The following ITGB4 variants were observed in gnomAD, a reference collection of about 807,000 sequenced individuals.
The protein encoded by ITGB4 is integrin beta-4.
Under a neutral mutation model 207.6 loss-of-function variants are expected in ITGB4, and 159 were observed. The observed-to-expected ratio is 0.77, with a 90% confidence interval of 0.67 to 0.87. ITGB4 has a LOEUF of 0.87. ITGB4 is among the 40% of genes least tolerant of loss of function. The pLI is 0.00. For synonymous variants in ITGB4, 1,020 were observed against 1,062.7 expected, an observed-to-expected ratio of 0.96 and a Z score of 0.78; for missense variants, 2,278 against 2,546.8, an observed-to-expected ratio of 0.89 and a Z score of 2.27.
In ITGB4 at chr17:75,727,732, C is replaced by A. The variant is rs146269824; in HGVS notation, c.346C>A (p.Arg116=). ...LRVRLRPGEE[R]HFELEVFEPL... Reference sequence around the variant, plus strand: ...GGTCCGTCTGCGGCCCGGTGAGGAGCGGCATTTTGAGCTGGAGGTGTTTGA... The same window carrying A: ...GGTCCGTCTGCGGCCCGGTGAGGAGAGGCATTTTGAGCTGGAGGTGTTTGA... Residue 116 remains arginine (R), a synonymous_variant, in exon 5 of 40, where the codon CGG becomes AGG. Coordinates refer to ENST00000200181, the MANE Select transcript of ITGB4 (RefSeq NM_000213.5). This position sits in a 1 kb window ranked among gnomAD's most constrained non-coding sequence, Gnocchi z 6.0. 8 of 1,613,696 alleles carry A rather than the reference C, an allele frequency of 5.0e-6. No homozygotes were observed. The East Asian group carries it at 6.7e-5, about 13-fold the overall frequency.
At position 75,736,592 on chromosome 17, in the gene ITGB4, C is replaced by T. The variant is rs565495963; in HGVS notation, c.1888C>T (p.Arg630Cys). The T allele has an allele frequency of 5.0e-6, 8 of 1,601,962 alleles. No homozygotes were observed. Among genetic ancestry groups the T allele is most frequent in the South Asian group, 2.2e-5 (2 of 88,964 alleles). The change falls in exon 16 of 40, where the codon CGC becomes TGC. Residue 630 changes from arginine to cysteine, a missense_variant. By Grantham distance (180) the Arg-to-Cys change is radical. Coordinates refer to ENST00000200181, the MANE Select transcript of ITGB4 (RefSeq NM_000213.5). ...CCACCCGGGCCTCTGCGAGGACCTA[C>T]GCTCCTGCGTGCAGTGCCAGGCGTG... ...AIHPGLCEDLRSCVQCQAWGT... is the reference protein window; with the variant it reads ...AIHPGLCEDLCSCVQCQAWGT...
chr17:75,725,832 CTTCACCCTAGAAG>C (rs2060706781), intron 2 of ITGB4, among the ~76,000 whole-genome samples: 1 of 152,240 alleles, frequency 6.6e-6, no homozygotes, highest in Admixed American at 6.5e-5. Flanking sequence ...ACACCATTCC[CTTCACCCTAGAAG>C]GGGCTCAGAG....
Position 75,730,805 on chromosome 17 carries a change from T to C in ITGB4, c.1003-70T>C, listed in dbSNP as rs549990392. 105 of 1,394,710 alleles carry C rather than the reference T, an allele frequency of 7.5e-5. 1 individual carries two copies. In the African/African-American group the frequency reaches 1.4e-3, roughly 19 times the overall value. 86.4% of individuals were successfully genotyped at this position (1,394,710 alleles called of 1,614,324 possible). On this transcript the variant is annotated intron_variant, in intron 8 of 39. Coordinates refer to ENST00000200181, the MANE Select transcript of ITGB4 (RefSeq NM_000213.5). ...GGCCTCAGTTTCCCCATCCTCAAAGTGGGAAGAATCCTAGAGCTGTTCAGA... is the reference window on the plus strand; with the variant it reads ...GGCCTCAGTTTCCCCATCCTCAAAGCGGGAAGAATCCTAGAGCTGTTCAGA...
chr17:75,756,976 G>A lies in ITGB4; in HGVS notation c.5087G>A (p.Ser1696Asn), dbSNP rs899007987. The A allele has an allele frequency of 6.2e-7, 1 of 1,612,644 alleles. No homozygotes were observed. Residue 1696 changes from serine to asparagine, a missense_variant, in exon 38 of 40, where the codon AGC becomes AAC. Physicochemically the swap from Ser to Asn is conservative, Grantham distance 46. Coordinates refer to ENST00000200181, the MANE Select transcript of ITGB4 (RefSeq NM_000213.5). ...ACCGCATTCCGGGTGGATGGAGACAGCCCCGAGAGCCGGCTGACCGTGCCG... is the reference window on the plus strand; with the variant it reads ...ACCGCATTCCGGGTGGATGGAGACAACCCCGAGAGCCGGCTGACCGTGCCG... Reference protein sequence around the residue: ...PATAFRVDGDSPESRLTVPGL... With the variant: ...PATAFRVDGDNPESRLTVPGL...
rs763486909 is a variant in ITGB4, at chr17:75,748,924, A to G, written c.3195A>G (p.Gln1065=). The G allele has an allele frequency of 1.2e-6, 2 of 1,613,278 alleles. No individual in the cohort carries two copies. Among genetic ancestry groups the G allele is most frequent in the Non-Finnish European group, 1.7e-6 (2 of 1,179,976 alleles). ...TGCAGGTGAAGCTCCTGGAGCTGCAAGAAGTTGACTCCCTCCTGCGGGGCC... is the reference window on the plus strand; with the variant it reads ...TGCAGGTGAAGCTCCTGGAGCTGCAGGAAGTTGACTCCCTCCTGCGGGGCC... ...KELQVKLLEL[Q]EVDSLLRGRQ... is the part of the protein sequence containing the mutation. The change falls in exon 27 of 40, where the codon CAA becomes CAG. Residue 1065 remains glutamine, a synonymous_variant. Transcript: ENST00000200181.
chr17:75,746,455 A>G (rs980978185), intron 26 of ITGB4: 7 of 151,104 alleles, frequency 4.6e-5, no homozygotes, highest in Non-Finnish European at 1.0e-4. Flanking sequence ...CTGGTCTCGA[A>G]CTCCTGACCT....
In ITGB4 at chr17:75,736,166, C is replaced by A. The variant is rs1265160065; in HGVS notation, c.1761+12C>A. On this transcript the variant is annotated intron_variant, in intron 14 of 39. Coordinates refer to ENST00000200181, the MANE Select transcript of ITGB4 (RefSeq NM_000213.5). ...TCGACAGCAATGGGGTAGGCCTGGG[C>A]ATAAGACAGACAGTGTCTGTCAGCA... 2 of 1,612,912 alleles carry A rather than the reference C, an allele frequency of 1.2e-6. No individual in the cohort carries two copies. The highest frequency in any genetic ancestry group is 1.7e-6 in the Non-Finnish European group (2 of 1,179,000).
chr17:75,731,232 C>T lies in ITGB4; in HGVS notation c.1093-14C>T. 1 of 1,613,294 alleles carries T rather than the reference C, an allele frequency of 6.2e-7. No homozygotes were observed. The highest frequency in any genetic ancestry group is 1.7e-5 in the Admixed American group (1 of 60,026). ...CCCCCCACAGAGCACTGATCAACCT[C>T]CTTCCTCCTTTAGCGGATCCGCTCC... On this transcript the variant is annotated splice_polypyrimidine_tract_variant and intron_variant, in intron 9 of 39. Transcript: ENST00000200181. The surrounding 1 kb of genome is among the most constrained non-coding windows in gnomAD (Gnocchi z 6.8).
intron 18 of ITGB4, among the ~76,000 whole-genome samples, chr17:75,738,675 C>CGGTCACTG (rs1568361233): frequency 6.6e-6 from 1 of 152,238 alleles, no homozygotes; most frequent in East Asian, 1.9e-4. Flanking sequence ...CCGCAGCTGG[C>CGGTCACTG]GGTCACTGGG....
At position 75,733,637 on chromosome 17, in the gene ITGB4, G is replaced by C. The variant is rs1358047718; in HGVS notation, c.1602G>C (p.Gln534His). The C allele has an allele frequency of 1.1e-5, 18 of 1,614,114 alleles. No individual in the cohort carries two copies. The highest frequency in any genetic ancestry group is 1.4e-5 in the Non-Finnish European group (16 of 1,180,058). ...ACGGCGAAGGCCGCTACGAGGGTCAGTTCTGCGAGTATGACAACTTCCAGT... is the reference window on the plus strand; with the variant it reads ...ACGGCGAAGGCCGCTACGAGGGTCACTTCTGCGAGTATGACAACTTCCAGT... ...VCYGEGRYEG[Q>H]FCEYDNFQCP... is the part of the protein sequence containing the mutation. Residue 534 changes from glutamine to histidine, a missense_variant, in exon 13 of 40, where the codon CAG becomes CAC. Gln to His is a conservative substitution (Grantham distance 24). Transcript: ENST00000200181.
In ITGB4 at chr17:75,729,220, C is replaced by T. The variant is rs34598265; in HGVS notation, c.567-45C>T. 410,316 of 1,584,630 alleles carry T rather than the reference C, an allele frequency of 0.26. 57,062 individuals carry two copies. The highest frequency in any genetic ancestry group is 0.47 in the East Asian group (21,104 of 44,436). ...GAGCCAGGGGCACTGGGGTCTGCGGCGTCTTCCCCCTGTGACACTCTCTCT... is the reference window on the plus strand; with the variant it reads ...GAGCCAGGGGCACTGGGGTCTGCGGTGTCTTCCCCCTGTGACACTCTCTCT... On this transcript the variant is annotated intron_variant, in intron 6 of 39. Coordinates refer to ENST00000200181, the MANE Select transcript of ITGB4 (RefSeq NM_000213.5). The surrounding 1 kb of genome is among the most constrained non-coding windows in gnomAD (Gnocchi z 4.4).
chr17:75,732,336 AC>A lies in ITGB4; in HGVS notation c.1454+99del. 1 of 1,206,670 alleles carries A rather than the reference AC, an allele frequency of 8.3e-7. No homozygotes were observed. 74.7% of individuals were successfully genotyped at this position (1,206,670 alleles called of 1,614,324 possible). On this transcript the variant is annotated intron_variant, in intron 12 of 39. Transcript: ENST00000200181. The surrounding 1 kb of genome is among the most constrained non-coding windows in gnomAD (Gnocchi z 5.3). ...GCCTGGCCCTGGGTGCACCTTGTAC[AC>A]CTGGCTGGGGGTGGGGCGGCAATCA...
Position 75,742,444 on chromosome 17 carries a change from G to A in ITGB4, c.2737G>A (p.Asp913Asn), listed in dbSNP as rs757935825. 2.2e-5 allele frequency: 36 copies of A among 1,613,152 alleles called. No individual in the cohort carries two copies. The highest frequency in any genetic ancestry group is 2.9e-5 in the Non-Finnish European group (34 of 1,179,846). The change falls in exon 24 of 40, where the codon GAC becomes AAC. Residue 913 changes from aspartate to asparagine, a missense_variant. Transcript: ENST00000200181. This position sits in a 1 kb window ranked among gnomAD's most constrained non-coding sequence, Gnocchi z 5.9. ...GCAGGTGGAACAGAGGGCCTTCCAC[G>A]ACCTCAAGGTGGCCCCCGGCTACTA... ...EKQVEQRAFH[D>N]LKVAPGYYTL... is the part of the protein sequence containing the mutation.
chr17:75,746,747 C>A (rs2061240935), intron 26 of ITGB4, among the ~76,000 whole-genome samples: 2 of 151,504 alleles, frequency 1.3e-5, no homozygotes, highest in African/African-American at 4.8e-5. Flanking sequence ...CAAGACCAGC[C>A]TGGCCAACAT....
intron 1 of ITGB4, among the ~76,000 whole-genome samples, chr17:75,723,575 G>A (rs1369395296): frequency 6.6e-6 from 1 of 152,256 alleles, no homozygotes; most frequent in Non-Finnish European, 1.5e-5. Context: ...GGTCTGACCT[G>A]CATGTGTTGG....
At chr17:75,751,874 G>T in intron 30 of ITGB4, 1 of 479,226 alleles carries the variant, frequency 2.1e-6, no homozygotes. Flanking sequence ...GCGTGCCCTT[G>T]CCTTGTGTGG....
chr17:75,751,465 G>T (rs1255466855), intron 30 of ITGB4: 2 of 349,516 alleles, frequency 5.7e-6, no homozygotes, highest in African/African-American at 4.2e-5. Context: ...AATACAGGAG[G>T]TTCTGAATTT....
intron 32 of ITGB4, among the ~76,000 whole-genome samples, chr17:75,752,803 G>A (rs1002957055): frequency 5.9e-5 from 9 of 152,166 alleles, no homozygotes; most frequent in Non-Finnish European, 1.0e-4. Context: ...TCATGCCCAC[G>A]GGACCACGAA....
Position 75,724,651 on chromosome 17 carries a change from A to G in ITGB4, c.-10-43A>G, listed in dbSNP as rs2060682219. 3.6e-6 allele frequency: 5 copies of G among 1,401,792 alleles called. No homozygotes were observed. In the South Asian group the frequency reaches 5.8e-5, roughly 16 times the overall value. The allele number at this position is 1,401,792 out of a possible 1,614,324, so 86.8% of individuals were successfully genotyped here. A position where few individuals can be genotyped will look rare whatever the true frequency, so the allele number is the denominator to read the frequency against. The stretch of plus-strand genomic sequence containing the variant: ...CGAGAGGAAGCTGACGGCACCGACC[A>G]TGGCTGTGGAGGCCTCATGTGTCAA... On this transcript the variant is annotated intron_variant, in intron 1 of 39. Coordinates refer to ENST00000200181, the MANE Select transcript of ITGB4 (RefSeq NM_000213.5).
Sources: allele counts gnomAD v4.1 joint callset (sites outside exome capture counted in the v4.1 genomes callset), GRCh38; gene constraint gnomAD v4.1.1; non-coding constraint Gnocchi (gnomAD v3.1); transcripts MANE v1.5; gene names NCBI Gene and HGNC (gene_info 2026-07-23, HGNC 2026-07-21).